DIO2: variants seen among roughly 807,000 people sequenced by gnomAD.
DIO2 encodes iodothyronine deiodinase 2, also known as type II iodothyronine deiodinase.
DIO2 carries 19 observed loss-of-function variants against 21.4 expected under a neutral mutation model. The observed-to-expected ratio is 0.89, with a 90% confidence interval of 0.62 to 1.30. The LOEUF is 1.30. Ranked by LOEUF, DIO2 falls within the 50% of genes most tolerant of loss-of-function variation. The probability of loss-of-function intolerance (pLI) is 0.00; values close to 1 mark genes in which losing one functional copy is unlikely to be tolerated. For synonymous variants in DIO2, 122 were observed against 132.9 expected (o/e 0.92, Z 0.57); for missense variants, 302 against 338.1 (o/e 0.89, Z 0.84).
At chr14:80,229,169 C>T (rs561733116) in intron 2 of DIO2, among the ~76,000 whole-genome samples, 3 of 152,142 alleles carry the variant, frequency 2.0e-5, no homozygotes, top group African/African-American at 7.2e-5. Flanking sequence ...AAGTTTTCTG[C>T]TTGTATGAAT....
chr14:80,208,323 G>T (rs1043690047), intron 1 of DIO2, among the ~76,000 whole-genome samples: 28 of 151,956 alleles, frequency 1.8e-4, no homozygotes, highest in African/African-American at 6.8e-4. Flanking sequence ...TATCTTTAAA[G>T]GCTTCTCCAT....
In DIO2 at chr14:80,211,233, C is replaced by T. The variant is rs555370978; in HGVS notation, c.222+18G>A. The T allele has an allele frequency of 1.0e-5, 16 of 1,601,966 alleles. No homozygotes were observed. The South Asian group carries it at 1.4e-4, about 14-fold the overall frequency. ...GCCCCTGTAGACCTAGGGAGAAGCCCTTCTCAGCTCAGCTCACCTGTTTGT... is the reference window on the plus strand; with the variant it reads ...GCCCCTGTAGACCTAGGGAGAAGCCTTTCTCAGCTCAGCTCACCTGTTTGT... On this transcript the variant is annotated intron_variant, in intron 1 of 1. Coordinates refer to ENST00000438257, the MANE Select transcript of DIO2 (RefSeq NM_013989.5).
At chr14:80,213,647 C>T (rs1888280841), upstream of DIO2, among the ~76,000 whole-genome samples, 1 of 152,128 alleles carries the variant, frequency 6.6e-6, no homozygotes, top group African/African-American at 2.4e-5. Context: ...GCACAGTTGG[C>T]TCATTGAGGA....
upstream of DIO2, chr14:80,211,511 G>A (rs907246879): frequency 4.1e-6 from 5 of 1,221,212 alleles, no homozygotes; most frequent in Non-Finnish European, 4.3e-6. Flanking sequence ...GTGCGCTCTG[G>A]TTCCCCTTCA....
intron 1 of DIO2, among the ~76,000 whole-genome samples, chr14:80,206,870 T>C (rs1426326518): frequency 1.3e-5 from 2 of 152,080 alleles, no homozygotes; most frequent in Non-Finnish European, 2.9e-5. Flanking sequence ...AGTAATTAGG[T>C]CGGTACCTCT....
At chr14:80,216,874 T>C (rs1451959352) in intron 2 of DIO2, 1 of 152,172 alleles carries the variant, frequency 6.6e-6, no homozygotes, top group Admixed American at 6.5e-5. Flanking sequence ...AGTTTTAAAA[T>C]AAAATAGGTC....
chr14:80,229,438 T>C (rs1233911498), intron 2 of DIO2, among the ~76,000 whole-genome samples: 1 of 152,130 alleles, frequency 6.6e-6, no homozygotes, highest in African/African-American at 2.4e-5. Flanking sequence ...AGATCTGACA[T>C]ATAAAGAAGA....
rs141280131 is a variant in DIO2, at chr14:80,227,528, G to A, written c.-277-10791C>T. Among the ~76,000 whole-genome samples the A allele has an allele frequency of 5.3e-5, 8 of 152,330 alleles. 1 individual carries two copies. The East Asian group carries it at 1.5e-3, about 29-fold the overall frequency. The stretch of plus-strand genomic sequence containing the variant: ...CAGTTTCCACCAAGGCCCAGGAACA[G>A]GCAAAGAGCTGTCTCTCAAAAGGAG... On this transcript the variant is annotated intron_variant, in intron 2 of 4. Coordinates refer to the DIO2 transcript ENST00000553594.
At chr14:80,205,242 T>C (rs1244639455) in intron 1 of DIO2, among the ~76,000 whole-genome samples, 1 of 152,196 alleles carries the variant, frequency 6.6e-6, no homozygotes, top group Non-Finnish European at 1.5e-5. Context: ...GTCTCTTCTC[T>C]TTAGATCTTT....
At position 80,202,257 on chromosome 14, in the gene DIO2, T is replaced by C; in HGVS notation, c.*432A>G. 1.9e-6 allele frequency: 1 copy of C among 513,844 alleles called. No individual in the cohort carries two copies. Among genetic ancestry groups the C allele is most frequent in the Non-Finnish European group, 3.9e-6 (1 of 258,360 alleles). The allele number at this position is 513,844 out of a possible 1,614,324, so 31.8% of individuals were successfully genotyped here. ...GACTTGTTGTAATATTTGGGAATTTTCCAACTGGGCTCCATCCATGCCAAA... is the reference window on the plus strand; with the variant it reads ...GACTTGTTGTAATATTTGGGAATTTCCCAACTGGGCTCCATCCATGCCAAA... On this transcript the variant is annotated 3_prime_UTR_variant, in exon 2 of 2. Coordinates refer to ENST00000438257, the MANE Select transcript of DIO2 (RefSeq NM_013989.5).
intron 2 of DIO2, among the ~76,000 whole-genome samples, chr14:80,221,573 A>G (rs1385731260): frequency 6.6e-6 from 1 of 152,196 alleles, no homozygotes; most frequent in Non-Finnish European, 1.5e-5. Flanking sequence ...TTATTCATTT[A>G]CATCTATCCC....
intron 2 of DIO2, among the ~76,000 whole-genome samples, chr14:80,229,691 C>T (rs1888647295): frequency 6.6e-6 from 1 of 152,162 alleles, no homozygotes; most frequent in Non-Finnish European, 1.5e-5. Context: ...TTTCAGCTAA[C>T]CAAGCAAATA....
In DIO2 at chr14:80,203,022, C is replaced by A; in HGVS notation, c.489G>T (p.Glu163Asp). The change falls in exon 2 of 2, where the codon GAG becomes GAT. Residue 163 changes from glutamate to aspartate, a missense_variant. Coordinates refer to ENST00000438257, the MANE Select transcript of DIO2 (RefSeq NM_013989.5). ...VADFLLVYID[E>D]AHPSDGWAIP... ...TCGCCCAGCCATCTGATGGATGAGCCTCATCAATGTAGACCAGCAGGAAGT... is the reference window on the plus strand; with the variant it reads ...TCGCCCAGCCATCTGATGGATGAGCATCATCAATGTAGACCAGCAGGAAGT... 1 of 1,613,906 alleles carries A rather than the reference C, an allele frequency of 6.2e-7. No individual in the cohort carries two copies. Among genetic ancestry groups the A allele is most frequent in the Non-Finnish European group, 8.5e-7 (1 of 1,179,870 alleles).
rs1263973814 is a variant in DIO2, at chr14:80,201,656, A to AT, written c.*1032dup. ...CACCAGACCCACTGGTTTTCCTTTAATAGGTATCATGGGGTATAATTAACC... is the reference window on the plus strand; with the variant it reads ...CACCAGACCCACTGGTTTTCCTTTAATTAGGTATCATGGGGTATAATTAACC... On this transcript the variant is annotated 3_prime_UTR_variant, in exon 2 of 2. Coordinates refer to ENST00000438257, the MANE Select transcript of DIO2 (RefSeq NM_013989.5). 6.6e-6 allele frequency: 1 copy of AT among 152,164 alleles called. No homozygotes were observed. The highest frequency in any genetic ancestry group is 1.5e-5 in the Non-Finnish European group (1 of 68,042). 9.4% of individuals were successfully genotyped at this position (152,164 alleles called of 1,614,324 possible). A position where few individuals can be genotyped will look rare whatever the true frequency, so the allele number is the denominator to read the frequency against.
At chr14:80,211,607 A>T (rs1888204995), upstream of DIO2, 2 of 645,802 alleles carry the variant, frequency 3.1e-6, no homozygotes, top group East Asian at 2.9e-5. Flanking sequence ...GGGGAAAAAA[A>T]ACTAAATTAA....
intron 1 of DIO2, among the ~76,000 whole-genome samples, chr14:80,204,341 C>A (rs1887866745): frequency 6.6e-6 from 1 of 152,148 alleles, no homozygotes; most frequent in Non-Finnish European, 1.5e-5. Flanking sequence ...CTTTTCTACC[C>A]CACAATTTGT....
At chr14:80,203,745 A>T (rs1004542608) in intron 1 of DIO2, among the ~76,000 whole-genome samples, 9 of 152,212 alleles carry the variant, frequency 5.9e-5, no homozygotes, top group Admixed American at 1.3e-4. Flanking sequence ...CTGAAACACC[A>T]GGCAGGACCT....
chr14:80,202,388 T>G lies in DIO2; in HGVS notation c.*301A>C, dbSNP rs781661426. The G allele has an allele frequency of 1.6e-5, 10 of 621,734 alleles. No individual in the cohort carries two copies. Among genetic ancestry groups the G allele is most frequent in the Admixed American group, 5.5e-5 (3 of 54,734 alleles). The allele number at this position is 621,734 out of a possible 1,614,324, so 38.5% of individuals were successfully genotyped here. A position where few individuals can be genotyped will look rare whatever the true frequency, so the allele number is the denominator to read the frequency against. ...CTGGTCTCAAAGCATGCATCAGATG[T>G]ATCAGTTCCTTCTCAATGCAGAATG... On this transcript the variant is annotated 3_prime_UTR_variant, in exon 2 of 2. Coordinates refer to ENST00000438257, the MANE Select transcript of DIO2 (RefSeq NM_013989.5).
chr14:80,229,352 GC>G (rs1386435017), intron 2 of DIO2, among the ~76,000 whole-genome samples: 3 of 152,058 alleles, frequency 2.0e-5, no homozygotes, highest in Non-Finnish European at 2.9e-5. Flanking sequence ...CTGCCACTTG[GC>G]CCCTGCCACC....
Sources: gnomAD v4.1 joint callset for allele counts (sites outside exome capture counted in the v4.1 genomes callset) on GRCh38, gnomAD v4.1.1 for gene constraint, MANE v1.5 for transcripts, NCBI Gene and HGNC (gene_info 2026-07-23, HGNC 2026-07-21) for gene names.